The following SEC23B variants were observed in gnomAD, a reference collection of about 807,000 sequenced individuals.
SEC23B encodes the protein SEC23 homolog B, COPII component.
SEC23B carries 77 observed loss-of-function variants against 104.3 expected under a neutral mutation model. The observed-to-expected ratio is 0.74, with a 90% CI of 0.61 to 0.89. The LOEUF is 0.89. Among genes scored for constraint, SEC23B ranks in the 40% least tolerant of loss-of-function variants. The probability of loss-of-function intolerance (pLI) is 0.00; values close to 1 mark genes in which losing one functional copy is unlikely to be tolerated. For synonymous variants in SEC23B, 338 were observed against 332.5 expected, an observed-to-expected ratio of 1.02 and a Z score of -0.18; for missense variants, 885 against 949.4, an observed-to-expected ratio of 0.93 and a Z score of 0.89.
Position 18,527,564 on chromosome 20 carries a change from T to C in SEC23B, c.1062T>C (p.Leu354=), listed in dbSNP as rs758029042. The C allele has an allele frequency of 3.7e-6, 6 of 1,613,704 alleles. No individual in the cohort carries two copies. The South Asian group carries it at 5.5e-5, about 15-fold the overall frequency. ...GHCIDIYACA[L]DQTGLLEMKC... The stretch of plus-strand genomic sequence containing the variant: ...GCATTGATATTTATGCTTGTGCCCT[T>C]GATCAAACTGGACTTTTGGAGATGA... The change falls in exon 9 of 20, where the codon CTT becomes CTC. Residue 354 remains leucine (L), a synonymous_variant. Coordinates refer to ENST00000650089, the MANE Select transcript of SEC23B (RefSeq NM_006363.6).
chr20:18,533,052 G>A (rs1010549694), intron 11 of SEC23B, among the ~76,000 whole-genome samples: 5 of 152,180 alleles, frequency 3.3e-5, no homozygotes, highest in African/African-American at 7.2e-5. Flanking sequence ...CCAAAGCCAC[G>A]GCATGCTGTT....
intron 6 of SEC23B, 139 bp downstream of exon 6, chr20:18,525,159 C>T (rs2060123336): frequency 5.6e-6 from 5 of 893,324 alleles, no homozygotes; most frequent in South Asian, 3.0e-5. Context: ...AATCAATATT[C>T]AGTGTTTTGT....
intron 1 of SEC23B, 103 bp from the exon 2 acceptor site, chr20:18,510,719 T>C: frequency 1.1e-6 from 1 of 909,258 alleles, no homozygotes. Context: ...TGAGCTGAGA[T>C]GGGAAAAAAA....
intron 12 of SEC23B, among the ~76,000 whole-genome samples, chr20:18,539,509 CAAAA>C (rs1187687497): frequency 5.3e-5 from 3 of 57,116 alleles, no homozygotes; most frequent in Non-Finnish European, 7.3e-5. Context: ...GACTCCGTCT[CAAAA>C]AAAAAAAAAA....
Position 18,525,004 on chromosome 20 carries a change from C to T in SEC23B, c.673C>T (p.Pro225Ser), listed in dbSNP as rs2060122245. Reference sequence around the variant, plus strand: ...ACGACCTGCACAACCACAGGAGCACCCTTTTGCTTCAAGCAGGTGAGAGCC... The same window carrying T: ...ACGACCTGCACAACCACAGGAGCACTCTTTTGCTTCAAGCAGGTGAGAGCC... ...QARPAQPQEH[P>S]FASSRFLQPV... Residue 225 changes from proline (P) to serine (S), a missense_variant, in exon 6 of 20, where the codon CCT becomes TCT. Transcript: ENST00000650089. The T allele has an allele frequency of 1.2e-6, 2 of 1,614,096 alleles. No homozygotes were observed. Among genetic ancestry groups the T allele is most frequent in the Non-Finnish European group, 1.7e-6 (2 of 1,180,028 alleles).
In SEC23B at chr20:18,510,986, C is replaced by T. The variant is rs6045441; in HGVS notation, c.151C>T (p.Leu51=). 1 of 1,614,162 alleles carries T rather than the reference C, an allele frequency of 6.2e-7. No individual in the cohort carries two copies. The highest frequency in any genetic ancestry group is 8.5e-7 in the Non-Finnish European group (1 of 1,180,028). ...TACTCCTTTGAAAGAACGTCCAGAC[C>T]TACCTCCTGTACAATATGAACCTGT... The part of the protein sequence containing the change: ...LLTPLKERPD[L]PPVQYEPVLC... Residue 51 remains leucine (L), a synonymous_variant, in exon 2 of 20, where the codon CTA becomes TTA. Transcript: ENST00000650089.
chr20:18,561,213 A>G lies in SEC23B; in HGVS notation c.*473A>G, dbSNP rs2060489456. The G allele has an allele frequency of 5.4e-6, 1 of 184,174 alleles. No individual in the cohort carries two copies. Among genetic ancestry groups the G allele is most frequent in the South Asian group, 1.1e-4 (1 of 9,264 alleles). The allele number at this position is 184,174 out of a possible 1,614,324, so 11.4% of individuals were successfully genotyped here. A position where few individuals can be genotyped will look rare whatever the true frequency, so the allele number is the denominator to read the frequency against. ...CTCATAATTAAAGTAATGTATATGC[A>G]GGATCAAAATGAAACAAATATACCT... On this transcript the variant is annotated 3_prime_UTR_variant, in exon 20 of 20. Transcript: ENST00000650089.
At chr20:18,517,286 G>A (rs888195728) in intron 4 of SEC23B, among the ~76,000 whole-genome samples, 2 of 152,186 alleles carry the variant, frequency 1.3e-5, no homozygotes. Context: ...GTGGAGTTAC[G>A]AGCAATGTTT....
intron 1 of SEC23B, chr20:18,509,855 C>T (rs6035063): frequency 1 from 152,170 of 152,324 alleles, 76,009 homozygotes; most frequent in Middle Eastern, 1. Context: ...CAAAGTGCTG[C>T]GAGTATAGGT....
rs1232015244 is a variant in SEC23B, at chr20:18,524,546, A to T, written c.480A>T (p.Pro160=). 2 of 1,614,098 alleles carry T rather than the reference A, an allele frequency of 1.2e-6. No homozygotes were observed. The highest frequency in any genetic ancestry group is 2.7e-5 in the African/African-American group (2 of 74,930). The change falls in exon 5 of 20, where the codon CCA becomes CCT. Residue 160 remains proline, a synonymous_variant. Transcript: ENST00000650089. ...SLQMSLSLLP[P]DALVGLITFG... is the part of the protein sequence containing the mutation. Reference sequence around the variant, plus strand: ...AGATGTCCCTGAGTCTTCTTCCTCCAGATGCTCTGGTGGGTCTGATCACAT... The same window carrying T: ...AGATGTCCCTGAGTCTTCTTCCTCCTGATGCTCTGGTGGGTCTGATCACAT...
chr20:18,537,591 T>TA (rs2060245760), intron 12 of SEC23B, among the ~76,000 whole-genome samples: 1 of 149,502 alleles, frequency 6.7e-6, no homozygotes, highest in Non-Finnish European at 1.5e-5. Context: ...TGTTGTGGGG[T>TA]GGGGGAAGGG....
chr20:18,558,104 CT>C (rs1488526546), intron 19 of SEC23B, among the ~76,000 whole-genome samples: 1 of 152,154 alleles, frequency 6.6e-6, no homozygotes, highest in Non-Finnish European at 1.5e-5. Context: ...TTTTAGTTTT[CT>C]TTTATTTGAG....
At chr20:18,548,470 C>T (rs1258024498) in intron 15 of SEC23B, 139 bp from the exon 16 acceptor site, 12 of 805,414 alleles carry the variant, frequency 1.5e-5, no homozygotes, top group Non-Finnish European at 2.1e-5. Flanking sequence ...CTGGTGCCCC[C>T]TTATGCTTTC....
intron 1 of SEC23B, among the ~76,000 whole-genome samples, chr20:18,508,845 C>T (rs1240280216): frequency 2.0e-5 from 3 of 151,752 alleles, no homozygotes; most frequent in South Asian, 2.1e-4. Context: ...CGCAGCCTCC[C>T]GAGTAGCTGG....
chr20:18,528,456 A>G (rs886372184), intron 9 of SEC23B, among the ~76,000 whole-genome samples: 1 of 152,232 alleles, frequency 6.6e-6, no homozygotes, highest in Non-Finnish European at 1.5e-5. Flanking sequence ...GCCTCACTCT[A>G]GACCTGAATC....
chr20:18,545,850 G>C (rs1041206148), intron 14 of SEC23B, 106 bp from the exon 15 acceptor site: 1 of 771,574 alleles, frequency 1.3e-6, no homozygotes, highest in Non-Finnish European at 2.4e-6. Flanking sequence ...GCAGAGTTCA[G>C]ACTGGATGTA....
chr20:18,508,750 C>T (rs976193466), intron 1 of SEC23B, among the ~76,000 whole-genome samples: 8 of 115,020 alleles, frequency 7.0e-5, no homozygotes, highest in Admixed American at 2.5e-4. Flanking sequence ...GATGGAGTCT[C>T]GCTCTGTCGC....
chr20:18,533,087 A>G (rs1280583092), intron 11 of SEC23B, among the ~76,000 whole-genome samples: 1 of 152,222 alleles, frequency 6.6e-6, no homozygotes, highest in African/African-American at 2.4e-5. Flanking sequence ...CATTCAGCAC[A>G]GTCCTTCCAG....
intron 14 of SEC23B, among the ~76,000 whole-genome samples, chr20:18,544,063 G>T (rs543068805): frequency 6.6e-6 from 1 of 152,168 alleles, no homozygotes; most frequent in Admixed American, 6.5e-5. Flanking sequence ...GCTTGATATC[G>T]TGCCAGCTGG....
Sources: allele counts gnomAD v4.1 joint callset (sites outside exome capture counted in the v4.1 genomes callset), GRCh38; gene constraint gnomAD v4.1.1; transcripts MANE v1.5; gene names NCBI Gene and HGNC (gene_info 2026-07-23, HGNC 2026-07-21).